Variants in PI4K2B observed in about 807,000 individuals in gnomAD.
The protein encoded by PI4K2B is phosphatidylinositol 4-kinase type 2-beta.
PI4K2B carries 46 observed loss-of-function variants against 56.6 expected under a neutral mutation model. That is an observed-to-expected ratio of 0.81 (90% CI 0.64 to 1.04). The LOEUF (loss-of-function observed/expected upper bound fraction) is 1.04. Among genes scored for constraint, PI4K2B ranks in the 50% least tolerant of loss-of-function variants. The pLI, the probability that PI4K2B is intolerant of heterozygous loss-of-function variation, is 0.00. For missense variants in PI4K2B, 556 were observed against 607.7 expected (o/e 0.91, Z 0.89); for synonymous variants, 211 against 223.8 (o/e 0.94, Z 0.51).
rs751785948 is a variant in PI4K2B at position 25,269,143 on chromosome 4, G to A, written c.1213-1G>A. On this transcript the variant is annotated splice_acceptor_variant, in intron 8 of 9. Coordinates refer to ENST00000264864, the MANE Select transcript of PI4K2B (RefSeq NM_018323.4). LOFTEE classifies it high-confidence loss of function. ...AATTGTTTTTTTCCTTTCTATAATA[G>A]ACTGACAAAGGATTTGACAAAGCCA... 1 of 1,546,272 alleles carries A rather than the reference G, an allele frequency of 6.5e-7. No homozygotes were observed. Among genetic ancestry groups the A allele is most frequent in the Non-Finnish European group, 8.9e-7 (1 of 1,120,782 alleles).
intron 2 of PI4K2B, 84 bp from the exon 3 acceptor site, chr4:25,254,981 G>A: frequency 8.0e-6 from 7 of 877,162 alleles, no homozygotes; most frequent in Non-Finnish European, 1.3e-5. Flanking sequence ...GGAAGCAGTA[G>A]AGAACAATTT....
intron 9 of PI4K2B, among the ~76,000 whole-genome samples, chr4:25,274,164 A>T (rs1398877184): frequency 6.6e-6 from 1 of 152,198 alleles, no homozygotes; most frequent in Non-Finnish European, 1.5e-5. Flanking sequence ...CTTAAAATCT[A>T]CGAAAAAGTA....
chr4:25,239,964 C>T (rs1715447441), intron 1 of PI4K2B, among the ~76,000 whole-genome samples: 1 of 152,196 alleles, frequency 6.6e-6, no homozygotes, highest in Non-Finnish European at 1.5e-5. Context: ...TCCAGGGGTC[C>T]TCAGTAGAAT....
At position 25,263,845 on chromosome 4, in the gene PI4K2B, A is replaced by G. The variant is rs933448167; in HGVS notation, c.1074A>G (p.Arg358=). The change falls in exon 7 of 10, where the codon AGA becomes AGG. Residue 358 remains arginine, a synonymous_variant. Coordinates refer to ENST00000264864, the MANE Select transcript of PI4K2B (RefSeq NM_018323.4). ...AFPFKHPDEW[R]AYPFHWAWLP... ...CTTTTAAACATCCTGATGAATGGAGAGCATGTGAGTATTTAGAACCTTCTG... is the reference window on the plus strand; with the variant it reads ...CTTTTAAACATCCTGATGAATGGAGGGCATGTGAGTATTTAGAACCTTCTG... 35 of 1,377,394 alleles carry G rather than the reference A, an allele frequency of 2.5e-5. No individual in the cohort carries two copies. Among genetic ancestry groups the G allele is most frequent in the Non-Finnish European group, 3.3e-5 (32 of 968,006 alleles). 85.3% of individuals were successfully genotyped at this position (1,377,394 alleles called of 1,614,324 possible).
rs1716219424 is a variant in PI4K2B, at chr4:25,255,245, A to C, written c.604A>C (p.Ser202Arg). The C allele has an allele frequency of 1.2e-6, 2 of 1,613,928 alleles. No homozygotes were observed. Residue 202 changes from serine to arginine, a missense_variant, in exon 3 of 10, where the codon AGC becomes CGC. By Grantham distance (110) the Ser-to-Arg change is moderately radical (BLOSUM62 -1). Transcript: ENST00000264864. Reference protein sequence around the residue: ...AYLVDNKLHLSIVPKTKVVWL... With the variant: ...AYLVDNKLHLRIVPKTKVVWL... Reference sequence around the variant, plus strand: ...TCTTGTGGACAACAAGCTTCATCTGAGCATTGTACCTAAAACAAAGGTAAG... The same window carrying C: ...TCTTGTGGACAACAAGCTTCATCTGCGCATTGTACCTAAAACAAAGGTAAG...
chr4:25,276,999 C>T lies in PI4K2B; in HGVS notation c.1273-15C>T. ...TATCTTTTTAAATTGGTAAAAATCT[C>T]TCTTCTTCCCACAGATCTTAAACCT... On this transcript the variant is annotated splice_polypyrimidine_tract_variant and intron_variant, in intron 9 of 9. Transcript: ENST00000264864. The T allele has an allele frequency of 6.6e-7, 1 of 1,519,410 alleles. No individual in the cohort carries two copies. Among genetic ancestry groups the T allele is most frequent in the Non-Finnish European group, 8.9e-7 (1 of 1,121,624 alleles). The allele number at this position is 1,519,410 out of a possible 1,614,324, so 94.1% of individuals were successfully genotyped here. A position where few individuals can be genotyped will look rare whatever the true frequency, so the allele number is the denominator to read the frequency against.
chr4:25,273,887 G>GT (rs1319296521), intron 9 of PI4K2B, among the ~76,000 whole-genome samples: 1 of 152,172 alleles, frequency 6.6e-6, no homozygotes, highest in East Asian at 1.9e-4. Flanking sequence ...ATCTCTTGCC[G>GT]TTTTGCCCCT....
chr4:25,263,829 A>C lies in PI4K2B; in HGVS notation c.1058A>C (p.His353Pro), dbSNP rs745856219. The change falls in exon 7 of 10, where the codon CAT becomes CCT. Residue 353 changes from histidine (H) to proline (P), a missense_variant. By Grantham distance (77) the His-to-Pro change is moderately conservative (BLOSUM62 -2). Transcript: ENST00000264864. ...AATGGTCTAGCATTTCCTTTTAAAC[A>C]TCCTGATGAATGGAGAGCATGTGAG... ...IDNGLAFPFKHPDEWRAYPFH... is the reference protein window; with the variant it reads ...IDNGLAFPFKPPDEWRAYPFH... 2.7e-5 allele frequency: 40 copies of C among 1,455,350 alleles called. No individual in the cohort carries two copies. The highest frequency in any genetic ancestry group is 3.9e-5 in the Non-Finnish European group (40 of 1,037,708). The allele number at this position is 1,455,350 out of a possible 1,614,324, so 90.2% of individuals were successfully genotyped here. A position where few individuals can be genotyped will look rare whatever the true frequency, so the allele number is the denominator to read the frequency against.
In PI4K2B at chr4:25,234,384, C is replaced by T. The variant is rs762607591; in HGVS notation, c.221C>T (p.Ser74Phe). The change falls in exon 1 of 10, where the codon TCC becomes TTC. Residue 74 changes from serine to phenylalanine, a missense_variant. By Grantham distance (155) the Ser-to-Phe change is radical. Coordinates refer to ENST00000264864, the MANE Select transcript of PI4K2B (RefSeq NM_018323.4). The stretch of plus-strand genomic sequence containing the variant: ...CTCCCGCCCGGGGACGTGGGGGTCT[C>T]CCGGAGTTCGTCCGCCGAGCTGGAC... ...LPLPPGDVGV[S>F]RSSSAELDRS... is the part of the protein sequence containing the mutation. The T allele has an allele frequency of 2.2e-5, 31 of 1,400,274 alleles. No individual in the cohort carries two copies. The highest frequency in any genetic ancestry group is 1.8e-4 in the South Asian group (12 of 65,302). 86.7% of individuals were successfully genotyped at this position (1,400,274 alleles called of 1,614,324 possible).
chr4:25,259,193 A>G lies in PI4K2B; in HGVS notation c.910+3A>G, dbSNP rs753018759. The G allele has an allele frequency of 3.3e-6, 5 of 1,513,122 alleles. No individual in the cohort carries two copies. The highest frequency in any genetic ancestry group is 2.7e-6 in the Non-Finnish European group (3 of 1,100,234). 93.7% of individuals were successfully genotyped at this position (1,513,122 alleles called of 1,614,324 possible). On this transcript the variant is annotated splice_donor_region_variant and intron_variant, in intron 5 of 9. Transcript: ENST00000264864. Reference sequence around the variant, plus strand: ...GGATTACATCATCAGAAATACAGGTATTGAAGTTCTCTCATTTGTTCACGT... The same window carrying G: ...GGATTACATCATCAGAAATACAGGTGTTGAAGTTCTCTCATTTGTTCACGT...
chr4:25,266,279 G>A (rs1716661608), intron 7 of PI4K2B, among the ~76,000 whole-genome samples: 1 of 152,142 alleles, frequency 6.6e-6, no homozygotes, highest in Non-Finnish European at 1.5e-5. Context: ...CAATCCTCCT[G>A]CCTCAGCCTC....
chr4:25,276,635 A>T (rs1560382697), intron 9 of PI4K2B: 8 of 982,956 alleles, frequency 8.1e-6, no homozygotes, highest in Non-Finnish European at 9.7e-6. Flanking sequence ...GTATTTAGTT[A>T]AAACCAGACT....
Position 25,240,197 on chromosome 4 carries a change from T to C in PI4K2B, c.268+5766T>C, listed in dbSNP as rs192809881. ...AAGGCATTGTCTGATTTCAGAAGCC[T>C]TTTCCTGTAAACACCAGGTGGCATC... On this transcript the variant is annotated intron_variant, in intron 1 of 9. Transcript: ENST00000264864. Among the ~76,000 whole-genome samples the C allele has an allele frequency of 3.7e-3, 560 of 152,296 alleles. 2 individuals are homozygous for C. The highest frequency in any genetic ancestry group is 0.013 in the African/African-American group (541 of 41,564).
Position 25,277,216 on chromosome 4 carries a change from T to A in PI4K2B, c.*29T>A. The A allele has an allele frequency of 6.4e-7, 1 of 1,564,292 alleles. No individual in the cohort carries two copies. The highest frequency in any genetic ancestry group is 1.2e-5 in the South Asian group (1 of 83,606). ...ATGTCAGAGTAAGAGAAACAAACTG[T>A]TTAGAATTATCATGTTTTTAAAACA... On this transcript the variant is annotated 3_prime_UTR_variant, in exon 10 of 10. Transcript: ENST00000264864.
At chr4:25,250,433 C>A (rs1428016330) in intron 1 of PI4K2B, 1 of 152,066 alleles carries the variant, frequency 6.6e-6, no homozygotes, top group East Asian at 1.9e-4. Context: ...CAACATATAC[C>A]AGGGCCTTTC....
intron 7 of PI4K2B, chr4:25,267,980 T>TCAAAA: frequency 4.8e-6 from 2 of 418,032 alleles, no homozygotes; most frequent in Non-Finnish European, 6.4e-6. Context: ...CAGCTACTTT[T>TCAAAA]GAAGCTGAAG....
chr4:25,245,591 T>G (rs990675955), intron 1 of PI4K2B, among the ~76,000 whole-genome samples: 1 of 152,178 alleles, frequency 6.6e-6, no homozygotes, highest in Non-Finnish European at 1.5e-5. Flanking sequence ...AGAGAGCCCT[T>G]TCCCAGAAAG....
At chr4:25,254,364 G>A in intron 2 of PI4K2B, 1 of 867,988 alleles carries the variant, frequency 1.2e-6, no homozygotes, top group East Asian at 1.2e-4. Flanking sequence ...TAATAACACT[G>A]TTTGACCTAG....
At chr4:25,251,888 AT>A (rs968356465) in intron 1 of PI4K2B, among the ~76,000 whole-genome samples, 7 of 152,044 alleles carry the variant, frequency 4.6e-5, no homozygotes, top group African/African-American at 1.7e-4. Context: ...CAGTGGCGCA[AT>A]CTCTGCTCAC....
Sources: gnomAD v4.1 joint callset for allele counts (sites outside exome capture counted in the v4.1 genomes callset) on GRCh38, gnomAD v4.1.1 for gene constraint, MANE v1.5 for transcripts, NCBI Gene and HGNC (gene_info 2026-07-23, HGNC 2026-07-21) for gene names.